NT5E: variants seen among roughly 807,000 people sequenced by gnomAD.
NT5E encodes the protein 5'-nucleotidase ecto.
NT5E carries 53 observed loss-of-function variants against 55.1 expected under a neutral mutation model. That is an observed-to-expected ratio of 0.96 (90% confidence interval 0.77 to 1.21). The LOEUF (loss-of-function observed/expected upper bound fraction) is 1.21. Among genes scored for constraint, NT5E ranks in the 50% most tolerant of loss-of-function variants. NT5E has a pLI of 0.00. For missense variants in NT5E, 683 were observed against 724.3 expected, an observed-to-expected ratio of 0.94 and a Z score of 0.65; for synonymous variants, 270 against 278.4, an observed-to-expected ratio of 0.97 and a Z score of 0.30.
rs922978918 is a variant in NT5E at position 85,493,834 on chromosome 6, T to C, written c.1562-7T>C. The C allele has an allele frequency of 2.5e-6, 4 of 1,609,180 alleles. No homozygotes were observed. The Admixed American group carries it at 5.0e-5, about 20-fold the overall frequency. On this transcript the variant is annotated splice_polypyrimidine_tract_variant and splice_region_variant and intron_variant, in intron 8 of 8. Transcript: ENST00000257770. ...CTGTAGTTAAAATAATGTATATGTT[T>C]TTCTAGGTGACCAAGATATCAACGT...
chr6:85,476,081 AG>A (rs1310721932), intron 3 of NT5E, among the ~76,000 whole-genome samples: 2 of 152,160 alleles, frequency 1.3e-5, no homozygotes, highest in African/African-American at 4.8e-5. Flanking sequence ...CTGAGAATTT[AG>A]TATCCAATTT....
intron 1 of NT5E, among the ~76,000 whole-genome samples, chr6:85,461,624 C>T (rs1359712902): frequency 6.6e-6 from 1 of 152,184 alleles, no homozygotes; most frequent in Non-Finnish European, 1.5e-5. Flanking sequence ...GTTAGTTTGC[C>T]TCAACCTGCA....
chr6:85,452,240 C>T (rs990704515), intron 1 of NT5E, among the ~76,000 whole-genome samples: 4 of 152,202 alleles, frequency 2.6e-5, no homozygotes, highest in African/African-American at 7.2e-5. Context: ...ATATAAACCA[C>T]GACTTTGTAA....
intron 3 of NT5E, among the ~76,000 whole-genome samples, chr6:85,479,770 C>A (rs2127723047): frequency 6.6e-6 from 1 of 152,338 alleles, no homozygotes; most frequent in East Asian, 1.9e-4. Flanking sequence ...CCACCCCATT[C>A]TTTTGGCCAC....
rs1455269748 is a variant in NT5E, at chr6:85,489,545, A to C, written c.1156A>C (p.Met386Leu). ...TDEMFWNHVS[M>L]CILNGGGIRS... is the part of the protein sequence containing the mutation. ...TGAAATGTTCTGGAACCACGTATCC[A>C]TGTGCATTTTAAATGGAGGTGGTAT... The change falls in exon 6 of 9, where the codon ATG (methionine) becomes CTG (leucine). Residue 386 changes from methionine (M) to leucine (L), a missense_variant. Physicochemically the swap from Met to Leu is conservative, Grantham distance 15 (BLOSUM62 2). Transcript: ENST00000257770. 1.2e-6 allele frequency: 2 copies of C among 1,613,938 alleles called. No homozygotes were observed. Among genetic ancestry groups the C allele is most frequent in the African/African-American group, 1.3e-5 (1 of 74,908 alleles).
At chr6:85,485,998 A>AG (rs1405722683) in intron 4 of NT5E, among the ~76,000 whole-genome samples, 1 of 152,190 alleles carries the variant, frequency 6.6e-6, no homozygotes, top group Non-Finnish European at 1.5e-5. Flanking sequence ...AGCTGGGTCC[A>AG]GGGGGGTCAC....
intron 3 of NT5E, among the ~76,000 whole-genome samples, chr6:85,477,037 A>G (rs1181466389): frequency 6.6e-6 from 1 of 152,156 alleles, no homozygotes; most frequent in African/African-American, 2.4e-5. Context: ...TTTTCTACCT[A>G]GTATTTCCCT....
rs150770438 is a variant in NT5E at position 85,466,693 on chromosome 6, G to A, written c.340-367G>A. 1.3e-3 allele frequency among the ~76,000 whole-genome samples: 199 copies of A among 152,214 alleles called. 1 individual carries two copies. The highest frequency in any genetic ancestry group is 4.2e-3 in the African/African-American group (176 of 41,522). The stretch of plus-strand genomic sequence containing the variant: ...TTAATCATTCTCTCCAGCAGATCGC[G>A]GCTTGAATCATGGGGTCTGAAATGT... On this transcript the variant is annotated intron_variant, in intron 1 of 8. Coordinates refer to ENST00000257770, the MANE Select transcript of NT5E (RefSeq NM_002526.4).
chr6:85,467,409 G>A (rs1382002333), intron 2 of NT5E, 127 bp downstream of exon 2: 4 of 763,882 alleles, frequency 5.2e-6, no homozygotes, highest in South Asian at 1.5e-5. Flanking sequence ...GAATAACACT[G>A]ATAAAAGCAA....
intron 7 of NT5E, 136 bp downstream of exon 7, chr6:85,490,793 A>C (rs1769766784): frequency 1.1e-6 from 1 of 903,314 alleles, no homozygotes; most frequent in Non-Finnish European, 1.7e-6. Flanking sequence ...CCAATACCTT[A>C]CCCTTTAATG....
chr6:85,493,727 GAC>G (rs1016542782), intron 8 of NT5E, 112 bp from the exon 9 acceptor site: 1 of 833,276 alleles, frequency 1.2e-6, no homozygotes, highest in African/African-American at 1.7e-5. Context: ...TGTCTTCTGT[GAC>G]ACTTTACCCC....
chr6:85,489,634 G>A (rs920249920), intron 6 of NT5E, 35 bp downstream of exon 6: 1 of 1,444,316 alleles, frequency 6.9e-7, no homozygotes, highest in Non-Finnish European at 9.7e-7. Flanking sequence ...AGTGTGTCAT[G>A]TTCTCTCTCT....
intron 1 of NT5E, among the ~76,000 whole-genome samples, chr6:85,455,457 G>A (rs1030739042): frequency 3.9e-5 from 6 of 152,188 alleles, no homozygotes; most frequent in Admixed American, 1.3e-4. Context: ...TTTAGTTGCT[G>A]AGCATTTGGA....
In NT5E at chr6:85,450,856, C is replaced by G. The variant is rs759509519; in HGVS notation, c.339+378C>G. ...AAGAATGCTTTATCTCAATCTAGAT[C>G]TTTCGAAAAATGCTTTATCTCAATC... On this transcript the variant is annotated intron_variant, in intron 1 of 8. Coordinates refer to ENST00000257770, the MANE Select transcript of NT5E (RefSeq NM_002526.4). This position sits in a 1 kb window ranked among gnomAD's most constrained non-coding sequence, Gnocchi z 4.0. Among the ~76,000 whole-genome samples the G allele has an allele frequency of 1.4e-4, 22 of 152,166 alleles. No individual in the cohort carries two copies. The highest frequency in any genetic ancestry group is 2.6e-4 in the Non-Finnish European group (18 of 68,034).
At chr6:85,479,549 C>T (rs759467759) in intron 3 of NT5E, among the ~76,000 whole-genome samples, 1 of 152,174 alleles carries the variant, frequency 6.6e-6, no homozygotes, top group Non-Finnish European at 1.5e-5. Flanking sequence ...ATTCAGACCA[C>T]TCACCAACTA....
At chr6:85,455,429 A>T (rs1273221779) in intron 1 of NT5E, among the ~76,000 whole-genome samples, 1 of 152,182 alleles carries the variant, frequency 6.6e-6, no homozygotes, top group Non-Finnish European at 1.5e-5. Context: ...AAACTCTTGA[A>T]CAAGATGTGA....
chr6:85,482,442 A>T (rs1769569249), intron 3 of NT5E, among the ~76,000 whole-genome samples: 1 of 152,162 alleles, frequency 6.6e-6, no homozygotes, highest in Admixed American at 6.5e-5. Flanking sequence ...AGAAAGAGAA[A>T]GAAAAGGCTG....
intron 1 of NT5E, among the ~76,000 whole-genome samples, chr6:85,466,653 A>G (rs1369512324): frequency 5.3e-5 from 8 of 152,178 alleles, no homozygotes; most frequent in Admixed American, 1.3e-4. Flanking sequence ...GCCTTTTGCT[A>G]AAGTCCTGCT....
chr6:85,489,178 T>C lies in NT5E; in HGVS notation c.1105-316T>C, dbSNP rs560596592. 1.2e-4 allele frequency among the ~76,000 whole-genome samples: 18 copies of C among 152,206 alleles called. No individual in the cohort carries two copies. In the East Asian group the frequency reaches 3.5e-3, roughly 30 times the overall value. ...CTGGAGAAGCCTGTGCAGGAGTGACTCTGCAGGCCACCTTGCATGGGAGGC... is the reference window on the plus strand; with the variant it reads ...CTGGAGAAGCCTGTGCAGGAGTGACCCTGCAGGCCACCTTGCATGGGAGGC... On this transcript the variant is annotated intron_variant, in intron 5 of 8. Transcript: ENST00000257770.
Sources: gnomAD v4.1 joint callset for allele counts (sites outside exome capture counted in the v4.1 genomes callset) on GRCh38, gnomAD v4.1.1 for gene constraint, Gnocchi (gnomAD v3.1) non-coding constraint, MANE v1.5 for transcripts, NCBI Gene and HGNC (gene_info 2026-07-23, HGNC 2026-07-21) for gene names.